INTS6L: variants seen among roughly 807,000 people sequenced by gnomAD.
INTS6L encodes the protein integrator complex subunit 6 like.
In INTS6L, 18 loss-of-function variants were observed where a neutral mutation model predicts 64.7. The ratio of observed to expected loss-of-function variants is 0.28; its 90% CI spans 0.19 to 0.41. The LOEUF is 0.41. INTS6L is among the 10% of genes least tolerant of loss of function. The pLI is 1.00. For missense variants in INTS6L, 533 were observed against 661.0 expected, an observed-to-expected ratio of 0.81 and a Z score of 2.12; for synonymous variants, 227 against 235.9, an observed-to-expected ratio of 0.96 and a Z score of 0.34.
chrX:135,532,316 GC>G (rs2085932964), intron 2 of INTS6L, among the ~76,000 whole-genome samples: 1 of 112,526 alleles, frequency 8.9e-6, no homozygotes, highest in South Asian at 3.6e-4. Flanking sequence ...GCAGAGCAAA[GC>G]TCTCCACTTT....
Position 135,573,004 on chromosome X carries a change from G to T in INTS6L, c.1588G>T (p.Ala530Ser), listed in dbSNP as rs1556528662. 1 of 1,210,175 alleles carries T rather than the reference G, an allele frequency of 8.3e-7. No homozygotes were observed. ...RLTELNTKEF[A>S]GFQIGLLNKD... is the part of the protein sequence containing the mutation. ...GACAGAATTGAACACCAAAGAATTT[G>T]CTGGCTTCCAAATTGGGCTCTTAAA... is the stretch of plus-strand genomic sequence containing the variant. Residue 530 changes from alanine (A) to serine (S), a missense_variant, in exon 12 of 18, where the codon GCT becomes TCT. Physicochemically the swap from Ala to Ser is moderately conservative, Grantham distance 99 (BLOSUM62 1). Coordinates refer to ENST00000639893, the MANE Select transcript of INTS6L (RefSeq NM_001351601.3).
rs189005612 is a variant in INTS6L, at chrX:135,532,701, G to A, written c.189+11383G>A. On this transcript the variant is annotated intron_variant, in intron 2 of 17. Transcript: ENST00000639893. ...CTAGATTATTTCCAGGACTCCTTCC[G>A]AAAAAGTACAGGAGAGAGTTGTATA... 6.8e-3 allele frequency among the ~76,000 whole-genome samples: 756 copies of A among 111,810 alleles called. 5 individuals are homozygous for A. Among genetic ancestry groups the A allele is most frequent in the African/African-American group, 0.022 (681 of 30,780 alleles).
At chrX:135,545,208 T>C (rs1556514481) in intron 2 of INTS6L, among the ~76,000 whole-genome samples, 1 of 112,100 alleles carries the variant, frequency 8.9e-6, no homozygotes, top group Admixed American at 9.5e-5. Context: ...GGACGAAGTA[T>C]TTTTTGCTTC....
intron 9 of INTS6L, among the ~76,000 whole-genome samples, chrX:135,565,611 A>T (rs1353920812): frequency 9.0e-6 from 1 of 111,293 alleles, no homozygotes; most frequent in Admixed American, 9.5e-5. Flanking sequence ...TAACACTAAG[A>T]CTCCAACCCT....
intron 2 of INTS6L, among the ~76,000 whole-genome samples, chrX:135,536,072 G>A (rs782179849): frequency 1.8e-5 from 2 of 112,160 alleles, no homozygotes; most frequent in African/African-American, 6.5e-5. Flanking sequence ...TGTCCAGATA[G>A]GCTGCAGGAT....
At chrX:135,526,852 T>A (rs1406885914) in intron 2 of INTS6L, among the ~76,000 whole-genome samples, 6 of 111,848 alleles carry the variant, frequency 5.4e-5, no homozygotes, top group Admixed American at 2.8e-4. Flanking sequence ...TTCCCTCATG[T>A]CAAAGCTTAC....
At chrX:135,576,826 C>T (rs1406624209) in intron 14 of INTS6L, among the ~76,000 whole-genome samples, 3 of 112,430 alleles carry the variant, frequency 2.7e-5, no homozygotes, top group Admixed American at 9.4e-5. Flanking sequence ...CAAAATAGTT[C>T]GTACTTCTCT....
intron 4 of INTS6L, 67 bp downstream of exon 4, chrX:135,546,536 G>GCATTTCCA: frequency 3.0e-6 from 3 of 1,001,942 alleles, no homozygotes; most frequent in Admixed American, 3.2e-5. Flanking sequence ...TCTGTGGGAG[G>GCATTTCCA]CATTTCCAGT....
intron 6 of INTS6L, 148 bp downstream of exon 6, chrX:135,547,413 C>A: frequency 1.6e-6 from 1 of 624,428 alleles, no homozygotes; most frequent in Non-Finnish European, 2.4e-6. Context: ...CATTCACTGC[C>A]TATGTATATG....
chrX:135,558,849 G>A (rs1212905274), intron 9 of INTS6L, among the ~76,000 whole-genome samples: 1 of 100,618 alleles, frequency 9.9e-6, no homozygotes, highest in Non-Finnish European at 2.0e-5. Flanking sequence ...GTAATGGCAT[G>A]ATCTTGGCTC....
intron 2 of INTS6L, among the ~76,000 whole-genome samples, chrX:135,538,048 C>T (rs1461456579): frequency 1.8e-5 from 2 of 112,454 alleles, no homozygotes; most frequent in African/African-American, 6.5e-5. Flanking sequence ...GCAGTTGTTG[C>T]TGAAGGATGG....
At chrX:135,578,967 G>C (rs1348415578) in intron 15 of INTS6L, among the ~76,000 whole-genome samples, 1 of 111,580 alleles carries the variant, frequency 9.0e-6, no homozygotes, top group Non-Finnish European at 1.9e-5. Flanking sequence ...CTGCAAGACT[G>C]CACGGCTGGC....
chrX:135,555,928 A>G (rs1446315592), intron 8 of INTS6L, among the ~76,000 whole-genome samples: 3 of 112,065 alleles, frequency 2.7e-5, no homozygotes, highest in Admixed American at 9.4e-5. Flanking sequence ...GCCTCAAGCA[A>G]TCCTTCCACC....
chrX:135,544,756 C>T (rs1474934268), intron 2 of INTS6L, among the ~76,000 whole-genome samples: 1 of 112,199 alleles, frequency 8.9e-6, no homozygotes, highest in African/African-American at 3.2e-5. Flanking sequence ...TGGCTGTTGA[C>T]CTTGGATCTT....
chrX:135,547,373 T>C lies in INTS6L; in HGVS notation c.742+108T>C, dbSNP rs1556515480. 4.5e-6 allele frequency: 4 copies of C among 897,741 alleles called. No individual in the cohort carries two copies. The African/African-American group carries it at 8.1e-5, about 18-fold the overall frequency. The allele number at this position is 897,741 out of a possible 1,213,427, so 74.0% of individuals were successfully genotyped here. On this transcript the variant is annotated intron_variant, in intron 6 of 17. Coordinates refer to ENST00000639893, the MANE Select transcript of INTS6L (RefSeq NM_001351601.3). ...TCACTATCCACGTGCATTTGAGTGG[T>C]TACAAACATACATCCAAACAACTAC...
intron 8 of INTS6L, among the ~76,000 whole-genome samples, chrX:135,554,235 GAGAA>G (rs2086582205): frequency 1.8e-5 from 2 of 112,122 alleles, no homozygotes; most frequent in South Asian, 3.7e-4. Context: ...AAGAGAAAGA[GAGAA>G]AGAAACAAAA....
chrX:135,549,787 T>A lies in INTS6L; in HGVS notation c.888T>A (p.Asp296Glu). 8.3e-7 allele frequency: 1 copy of A among 1,211,375 alleles called. No individual in the cohort carries two copies. ...CAATTCCAGAATCTTTTTGGCCAGA[T>A]CAGAATTTACCTTCACTAGTAAGTG... Reference protein sequence around the residue: ...HWPIPESFWPDQNLPSLPPRT... With the variant: ...HWPIPESFWPEQNLPSLPPRT... Residue 296 changes from aspartate (D) to glutamate (E), a missense_variant, in exon 7 of 18, where the codon GAT becomes GAA. Asp to Glu is a conservative substitution (Grantham distance 45). Coordinates refer to ENST00000639893, the MANE Select transcript of INTS6L (RefSeq NM_001351601.3).
intron 6 of INTS6L, among the ~76,000 whole-genome samples, chrX:135,547,503 T>C (rs1484078511): frequency 8.9e-6 from 1 of 112,129 alleles, no homozygotes; most frequent in Non-Finnish European, 1.9e-5. Context: ...TGGTGCATTT[T>C]ATATTCCCTG....
chrX:135,524,620 A>G (rs1421758564), intron 2 of INTS6L, among the ~76,000 whole-genome samples: 2 of 111,221 alleles, frequency 1.8e-5, no homozygotes, highest in Non-Finnish European at 3.8e-5. Context: ...TGAGTTGTGC[A>G]TTTGGTTGGA....
Sources: allele counts gnomAD v4.1 joint callset (sites outside exome capture counted in the v4.1 genomes callset), GRCh38; gene constraint gnomAD v4.1.1; transcripts MANE v1.5; gene names NCBI Gene and HGNC (gene_info 2026-07-23, HGNC 2026-07-21).